The following DDX4 variants were observed in gnomAD, a reference collection of about 807,000 sequenced individuals.
The protein encoded by DDX4 is probable ATP-dependent RNA helicase DDX4.
DDX4 carries 25 observed loss-of-function variants against 100.0 expected under a neutral mutation model. That is an observed-to-expected ratio of 0.25 (90% CI 0.18 to 0.35). DDX4 has a LOEUF of 0.35. Among genes scored for constraint, DDX4 ranks in the 10% least tolerant of loss-of-function variants. DDX4 has a pLI of 1.00. For missense variants in DDX4, 635 were observed against 882.4 expected (o/e 0.72, Z 3.55); for synonymous variants, 259 against 275.7 (o/e 0.94, Z 0.60).
chr5:55,804,372 G>A (rs1391780943), intron 18 of DDX4, among the ~76,000 whole-genome samples: 6 of 151,862 alleles, frequency 4.0e-5, no homozygotes, highest in Admixed American at 6.5e-5. Flanking sequence ...ATTGCTTTTG[G>A]TGTTTTAGAC....
chr5:55,792,660 A>G lies in DDX4; in HGVS notation c.1322A>G (p.Lys441Arg), dbSNP rs1742653531. ...TTAAAGATTGGTCTCAAACAGATCA[A>G]ATACTTAGTTTTGGATGAAGCTGAT... ...GKEKIGLKQI[K>R]YLVLDEADRM... Residue 441 changes from lysine (K) to arginine (R), a missense_variant, in exon 17 of 22, where the codon AAA (lysine) becomes AGA (arginine). Transcript: ENST00000505374. 6.3e-7 allele frequency: 1 copy of G among 1,586,904 alleles called. No individual in the cohort carries two copies. Among genetic ancestry groups the G allele is most frequent in the Non-Finnish European group, 8.6e-7 (1 of 1,164,330 alleles).
rs12521628 is a variant in DDX4 at position 55,745,468 on chromosome 5, G to T, written c.70-696G>T. 0.026 allele frequency among the ~76,000 whole-genome samples: 3,957 copies of T among 151,892 alleles called. 271 individuals are homozygous for T. In the East Asian group the frequency reaches 0.26, roughly 10 times the overall value. ...TGAGACGGTCTTATTCTGTTACCCA[G>T]GCTGGAGTGAGTGGTGTGATCTCAG... On this transcript the variant is annotated intron_variant, in intron 2 of 21. Transcript: ENST00000505374.
At chr5:55,752,155 TTTTA>T (rs752334411) in intron 3 of DDX4, among the ~76,000 whole-genome samples, 41 of 152,054 alleles carry the variant, frequency 2.7e-4, no homozygotes, top group Middle Eastern at 3.4e-3. Context: ...ACCATTTTTA[TTTTA>T]TTTATTTATT....
chr5:55,787,006 G>A (rs543838391), intron 14 of DDX4, among the ~76,000 whole-genome samples: 14 of 152,288 alleles, frequency 9.2e-5, no homozygotes, highest in Admixed American at 7.2e-4. Flanking sequence ...ATTATAGCTG[G>A]TACACTCGAA....
chr5:55,770,787 A>G (rs903825670), intron 7 of DDX4, among the ~76,000 whole-genome samples: 8 of 152,176 alleles, frequency 5.3e-5, no homozygotes, highest in Admixed American at 1.3e-4. Flanking sequence ...AGTTAAGCTA[A>G]GAAAAAACAA....
At chr5:55,775,519 C>G (rs2111926924) in intron 7 of DDX4, among the ~76,000 whole-genome samples, 1 of 152,202 alleles carries the variant, frequency 6.6e-6, no homozygotes, top group Middle Eastern at 3.4e-3. Flanking sequence ...CATTTTTTTC[C>G]TTGCCTTTTT....
chr5:55,816,502 C>G lies in DDX4; in HGVS notation c.2137C>G (p.Gln713Glu). Residue 713 changes from glutamine (Q) to glutamate (E), a missense_variant, in exon 22 of 22, where the codon CAA becomes GAA. Physicochemically the swap from Gln to Glu is conservative, Grantham distance 29. Around this residue, in one of 4 missense-constraint regions of DDX4, gnomAD observed 73 missense variants for 98.5 expected, o/e 0.74. Transcript: ENST00000505374. ...GAACACAGCTGGGTTTTCTTCTTCA[C>G]AAGCTCCCAATCCAGTAGATGATGA... is the stretch of plus-strand genomic sequence containing the variant. ...TLNTAGFSSS[Q>E]APNPVDDESW... is the part of the protein sequence containing the mutation. 1 of 1,612,076 alleles carries G rather than the reference C, an allele frequency of 6.2e-7. No individual in the cohort carries two copies. The highest frequency in any genetic ancestry group is 1.1e-5 in the South Asian group (1 of 90,870).
intron 21 of DDX4, among the ~76,000 whole-genome samples, chr5:55,815,937 G>GT (rs369016313): frequency 0.24 from 26,287 of 109,036 alleles, 3,576 homozygotes; most frequent in Non-Finnish European, 0.27. Context: ...ATCTTAGCTG[G>GT]TTTTTTTTTT....
chr5:55,792,454 G>T (rs915780764), intron 16 of DDX4, among the ~76,000 whole-genome samples, 187 bp from the exon 17 acceptor site: 3 of 151,424 alleles, frequency 2.0e-5, no homozygotes, highest in Non-Finnish European at 4.4e-5. Flanking sequence ...CTGCCTCCCG[G>T]GTTCACACCG....
At chr5:55,788,426 T>C (rs1001999905) in intron 15 of DDX4, among the ~76,000 whole-genome samples, 2 of 152,106 alleles carry the variant, frequency 1.3e-5, no homozygotes, top group Admixed American at 6.5e-5. Context: ...CAGTGAACTG[T>C]GATTGCACCA....
chr5:55,754,633 T>C (rs1443361318), intron 3 of DDX4, among the ~76,000 whole-genome samples: 1 of 151,858 alleles, frequency 6.6e-6, no homozygotes, highest in Admixed American at 6.6e-5. Context: ...TCTAAAATTA[T>C]CTTTTTTTGT....
At chr5:55,786,264 T>G (rs1340576966) in intron 13 of DDX4, among the ~76,000 whole-genome samples, 1 of 152,140 alleles carries the variant, frequency 6.6e-6, no homozygotes, top group African/African-American at 2.4e-5. Context: ...TCTTCATATC[T>G]CATAGGTTTT....
chr5:55,765,302 C>A (rs1175572370), intron 6 of DDX4, among the ~76,000 whole-genome samples: 11 of 150,372 alleles, frequency 7.3e-5, no homozygotes, highest in Non-Finnish European at 1.6e-4. Context: ...ATACAAATTC[C>A]AGTTTCTCAT....
chr5:55,805,881 A>G (rs1743669239), intron 18 of DDX4, among the ~76,000 whole-genome samples: 1 of 152,180 alleles, frequency 6.6e-6, no homozygotes, highest in African/African-American at 2.4e-5. Flanking sequence ...ATTGATTGGA[A>G]TAGTTTCAGA....
chr5:55,756,549 G>A (rs1759948846), intron 3 of DDX4, among the ~76,000 whole-genome samples: 1 of 152,252 alleles, frequency 6.6e-6, no homozygotes, highest in Non-Finnish European at 1.5e-5. Flanking sequence ...AATCACTGTG[G>A]AGAAAGGTTG....
chr5:55,808,431 T>C (rs1161277683), intron 18 of DDX4, among the ~76,000 whole-genome samples: 1 of 152,204 alleles, frequency 6.6e-6, no homozygotes, highest in African/African-American at 2.4e-5. Flanking sequence ...CCCTGTTTTT[T>C]CCCCATTTTT....
intron 3 of DDX4, among the ~76,000 whole-genome samples, chr5:55,747,048 A>T (rs143329319): frequency 6.6e-6 from 1 of 152,288 alleles, no homozygotes; most frequent in Non-Finnish European, 1.5e-5. Flanking sequence ...ATTTGAGGTC[A>T]TTCGAGACCA....
At chr5:55,767,709 C>CTT (rs1360330416) in intron 6 of DDX4, among the ~76,000 whole-genome samples, 172 bp from the exon 7 acceptor site, 2 of 152,052 alleles carry the variant, frequency 1.3e-5, no homozygotes, top group African/African-American at 4.8e-5. Context: ...GGAATCGACT[C>CTT]TGAGTAATGT....
intron 9 of DDX4, 25 bp downstream of exon 9, chr5:55,781,171 A>T (rs772966862): frequency 1.3e-6 from 2 of 1,548,902 alleles, no homozygotes; most frequent in Admixed American, 3.7e-5. Flanking sequence ...TTATTACTGA[A>T]TATTAGTTAC....
Sources: gnomAD v4.1 joint callset for allele counts (sites outside exome capture counted in the v4.1 genomes callset) on GRCh38, gnomAD v4.1.1 for gene constraint, gnomAD v4.1.1 regional missense constraint, MANE v1.5 for transcripts, NCBI Gene and HGNC (gene_info 2026-07-23, HGNC 2026-07-21) for gene names.